The following CEMIP variants were observed in gnomAD, a reference collection of about 807,000 sequenced individuals.
The protein encoded by CEMIP is cell migration inducing hyaluronidase 1, also known as cell migration-inducing and hyaluronan-binding protein.
A neutral mutation model predicts 156.9 loss-of-function variants in CEMIP; 105 were observed. The ratio of observed to expected loss-of-function variants is 0.67; its 90% CI spans 0.57 to 0.79. The LOEUF (loss-of-function observed/expected upper bound fraction) is 0.79, where lower values mean the gene tolerates loss of function less well. Among genes scored for constraint, CEMIP ranks in the 30% least tolerant of loss-of-function variants. The probability of loss-of-function intolerance (pLI) is 0.00; values close to 1 mark genes in which losing one functional copy is unlikely to be tolerated. For missense variants in CEMIP, 1,457 were observed against 1,769.4 expected (o/e 0.82, Z 3.17); for synonymous variants, 676 against 668.4 (o/e 1.01, Z -0.17).
intron 12 of CEMIP, chr15:80,900,788 T>G (rs1899497049): frequency 2.8e-6 from 1 of 354,398 alleles, no homozygotes; most frequent in Non-Finnish European, 5.6e-6. Flanking sequence ...GGATCAAGGA[T>G]TCCACCTGCT....
rs372513993 is a variant in CEMIP at position 80,869,022 on chromosome 15, A to T, written c.-175-4516A>T. Among the ~76,000 whole-genome samples the T allele has an allele frequency of 5.9e-5, 9 of 152,318 alleles. No individual in the cohort carries two copies. In the South Asian group the frequency reaches 1.9e-3, roughly 32 times the overall value. On this transcript the variant is annotated intron_variant, in intron 1 of 29. Transcript: ENST00000394685. Reference sequence around the variant, plus strand: ...TTTACTCATAGTTCTGGAGGCTAGAAGTCTGAGATCGAGGTGTCAGGAGGG... The same window carrying T: ...TTTACTCATAGTTCTGGAGGCTAGATGTCTGAGATCGAGGTGTCAGGAGGG...
At chr15:80,908,437 A>G (rs148948163) in intron 13 of CEMIP, among the ~76,000 whole-genome samples, 3 of 152,324 alleles carry the variant, frequency 2.0e-5, no homozygotes, top group African/African-American at 7.2e-5. Context: ...GACTTTTGAC[A>G]GGATTCATTT....
chr15:80,899,754 C>T (rs73500468), intron 12 of CEMIP, among the ~76,000 whole-genome samples: 7,005 of 152,146 alleles, frequency 0.046, 441 homozygotes, highest in African/African-American at 0.14. Flanking sequence ...AGGGAAAGAC[C>T]GTCTAGATTT....
intron 17 of CEMIP, 79 bp from the exon 18 acceptor site, chr15:80,924,542 T>C (rs1900586496): frequency 1.6e-6 from 2 of 1,221,088 alleles, no homozygotes; most frequent in African/African-American, 1.5e-5. Context: ...TTCAGAAGTA[T>C]GCAGTGAGGC....
At chr15:80,830,854 G>C (rs577459259) in intron 1 of CEMIP, among the ~76,000 whole-genome samples, 34 of 152,194 alleles carry the variant, frequency 2.2e-4, no homozygotes, top group African/African-American at 7.7e-4. Flanking sequence ...AGGCACATCT[G>C]TTAACTTCTC....
At chr15:80,815,997 C>T (rs553967216) in intron 1 of CEMIP, among the ~76,000 whole-genome samples, 2 of 152,242 alleles carry the variant, frequency 1.3e-5, no homozygotes, top group African/African-American at 4.8e-5. Flanking sequence ...TCCAATATTC[C>T]TCCAGATTGA....
At chr15:80,849,058 C>A (rs1897643560) in intron 1 of CEMIP, among the ~76,000 whole-genome samples, 1 of 132,736 alleles carries the variant, frequency 7.5e-6, no homozygotes, top group African/African-American at 2.8e-5. Context: ...GTGGTGCTAT[C>A]TTGGCTCACT....
chr15:80,841,583 TCTC>T (rs1897419784), intron 1 of CEMIP, among the ~76,000 whole-genome samples: 1 of 152,220 alleles, frequency 6.6e-6, no homozygotes, highest in South Asian at 2.1e-4. Context: ...CTTAACCTGA[TCTC>T]CTGCTGGTTC....
chr15:80,912,164 T>C (rs987455653), intron 14 of CEMIP, among the ~76,000 whole-genome samples: 1 of 151,868 alleles, frequency 6.6e-6, no homozygotes, highest in Non-Finnish European at 1.5e-5. Flanking sequence ...GCCAGGAGTG[T>C]GAGTTCATGA....
intron 1 of CEMIP, among the ~76,000 whole-genome samples, chr15:80,872,544 A>G (rs1898331235): frequency 6.6e-6 from 1 of 152,246 alleles, no homozygotes; most frequent in Admixed American, 6.5e-5. Context: ...CTAGAAGTTT[A>G]ATTCAGGCGG....
intron 10 of CEMIP, among the ~76,000 whole-genome samples, chr15:80,893,252 T>A (rs1265221109): frequency 6.6e-6 from 1 of 152,054 alleles, no homozygotes; most frequent in Non-Finnish European, 1.5e-5. Context: ...GTTATTATAT[T>A]GATAATTATT....
chr15:80,916,227 A>G (rs555338772), intron 14 of CEMIP, among the ~76,000 whole-genome samples: 47 of 152,270 alleles, frequency 3.1e-4, no homozygotes, highest in Middle Eastern at 3.4e-3. Flanking sequence ...CCTGGTTCAG[A>G]TCATAAACCA....
intron 1 of CEMIP, among the ~76,000 whole-genome samples, chr15:80,860,653 C>T (rs868016328): frequency 1.3e-5 from 2 of 152,300 alleles, no homozygotes; most frequent in Middle Eastern, 3.4e-3. Flanking sequence ...CAGAGAAAGG[C>T]ATCGTTTCTA....
chr15:80,805,420 G>A (rs1163642245), intron 1 of CEMIP, among the ~76,000 whole-genome samples: 5 of 152,202 alleles, frequency 3.3e-5, no homozygotes, highest in African/African-American at 1.2e-4. Context: ...CGGTTCCCGT[G>A]CTGGGGTGCT....
At chr15:80,939,016 G>A (rs2141965729) in intron 25 of CEMIP, among the ~76,000 whole-genome samples, 1 of 152,230 alleles carries the variant, frequency 6.6e-6, no homozygotes, top group Admixed American at 6.5e-5. Flanking sequence ...AAAAGTATAA[G>A]TAAAATGTTG....
At chr15:80,888,969 G>A (rs140588467) in intron 9 of CEMIP, among the ~76,000 whole-genome samples, 173 bp downstream of exon 9, 78 of 152,296 alleles carry the variant, frequency 5.1e-4, no homozygotes, top group Non-Finnish European at 9.3e-4. Context: ...AGCCACTTTA[G>A]CCCATAGCCC....
In CEMIP at chr15:80,878,679, GGCTGGTAGATGGGA is replaced by G. The variant is rs983254980; in HGVS notation, c.95-39_95-26del. The G allele has an allele frequency of 4.3e-6, 7 of 1,613,562 alleles. No individual in the cohort carries two copies. The African/African-American group carries it at 9.3e-5, about 22-fold the overall frequency. On this transcript the variant is annotated intron_variant, in intron 3 of 29. Coordinates refer to ENST00000394685, the MANE Select transcript of CEMIP (RefSeq NM_001293298.2). ...GGCCTGTAGCATTCTTGCTTGGTGA[GGCTGGTAGATGGGA>G]GCAGTGACATCTCTCTGTCCTTGGC...
At chr15:80,792,898 C>T (rs1411861770) in intron 1 of CEMIP, among the ~76,000 whole-genome samples, 1 of 152,176 alleles carries the variant, frequency 6.6e-6, no homozygotes, top group African/African-American at 2.4e-5. Flanking sequence ...GACATTCAGG[C>T]ATGAATGTTG....
Position 80,937,966 on chromosome 15 carries a change from G to C in CEMIP, c.3394G>C (p.Asp1132His). Residue 1132 changes from aspartate (D) to histidine (H), a missense_variant, in exon 25 of 30, where the codon GAC becomes CAC. By Grantham distance (81) the Asp-to-His change is moderately conservative. Transcript: ENST00000394685. Reference protein sequence around the residue: ...SYPGRSHYYWDEDSGLLFLKL... With the variant: ...SYPGRSHYYWHEDSGLLFLKL... ...CCCTGGCAGGAGCCACTACTACTGG[G>C]ACGAGGACTCAGGGTGAGCAGGCGC... 1.9e-6 allele frequency: 3 copies of C among 1,613,960 alleles called. No individual in the cohort carries two copies. The highest frequency in any genetic ancestry group is 2.5e-6 in the Non-Finnish European group (3 of 1,179,958).
Sources: gnomAD v4.1 joint callset for allele counts (sites outside exome capture counted in the v4.1 genomes callset) on GRCh38, gnomAD v4.1.1 for gene constraint, MANE v1.5 for transcripts, NCBI Gene and HGNC (gene_info 2026-07-23, HGNC 2026-07-21) for gene names.